The following MAGI1 variants were observed in gnomAD, a reference collection of about 807,000 sequenced individuals.
MAGI1 encodes the protein membrane associated guanylate kinase, WW and PDZ domain containing 1.
Under a neutral mutation model 139.9 loss-of-function variants are expected in MAGI1, and 58 were observed. The observed-to-expected ratio is 0.41, with a 90% confidence interval of 0.34 to 0.52. The LOEUF is 0.52. Among genes scored for constraint, MAGI1 ranks in the 20% least tolerant of loss-of-function variants. MAGI1 has a pLI of 0.12. For missense variants in MAGI1, 1,874 were observed against 1,901.6 expected (o/e 0.99, Z 0.27); for synonymous variants, 812 against 737.9 (o/e 1.10, Z -1.63).
At chr3:65,665,681 A>G (rs1347271445) in intron 1 of MAGI1, among the ~76,000 whole-genome samples, 3 of 152,154 alleles carry the variant, frequency 2.0e-5, no homozygotes, top group African/African-American at 7.2e-5. Flanking sequence ...CTTATACAAC[A>G]TAACTACACA....
chr3:65,634,014 T>C (rs541848606), intron 1 of MAGI1, among the ~76,000 whole-genome samples: 1 of 152,318 alleles, frequency 6.6e-6, no homozygotes, highest in South Asian at 2.1e-4. Flanking sequence ...TGAACACTGA[T>C]TAAGTACTTT....
chr3:65,645,072 T>C lies in MAGI1; in HGVS notation c.314-22984A>G, dbSNP rs373005116. Among the ~76,000 whole-genome samples, 20 of 151,630 alleles carry C rather than the reference T, an allele frequency of 1.3e-4. No homozygotes were observed. In the East Asian group the frequency reaches 3.7e-3, roughly 28 times the overall value. On this transcript the variant is annotated intron_variant, in intron 1 of 22. Coordinates refer to ENST00000402939, the MANE Select transcript of MAGI1 (RefSeq NM_001033057.2). ...AAAAGAAACAGAGCCTCAGGGATCT[T>C]TGGGACTCTAACAACAGACCTAAAA...
intron 2 of MAGI1, among the ~76,000 whole-genome samples, chr3:65,582,195 C>A (rs2081462239): frequency 6.6e-6 from 1 of 152,204 alleles, no homozygotes; most frequent in South Asian, 2.1e-4. Flanking sequence ...TTTCCAGCTA[C>A]TGCATTCCCT....
At chr3:65,575,223 A>C (rs1419709893) in intron 2 of MAGI1, among the ~76,000 whole-genome samples, 1 of 152,128 alleles carries the variant, frequency 6.6e-6, no homozygotes, top group East Asian at 1.9e-4. Context: ...CTAAAAAGAG[A>C]GTAAAATATT....
intron 1 of MAGI1, among the ~76,000 whole-genome samples, chr3:65,881,845 C>T (rs943931100): frequency 4.6e-5 from 7 of 152,082 alleles, no homozygotes; most frequent in Non-Finnish European, 1.0e-4. Flanking sequence ...TTCCTTTCTT[C>T]ATCTAAGTAG....
intron 2 of MAGI1, among the ~76,000 whole-genome samples, chr3:65,514,238 A>C (rs2077743762): frequency 6.7e-6 from 1 of 149,746 alleles, no homozygotes; most frequent in African/African-American, 2.5e-5. Context: ...CATTCAGGAC[A>C]TAGGCATGGG....
At chr3:65,430,609 G>T in intron 11 of MAGI1, 90 bp downstream of exon 11, 1 of 1,416,150 alleles carries the variant, frequency 7.1e-7, no homozygotes, top group Non-Finnish European at 9.6e-7. Flanking sequence ...GCTTGGTCTT[G>T]CTCAAACAAA....
chr3:65,744,941 A>G (rs1398102417), intron 1 of MAGI1, among the ~76,000 whole-genome samples: 1 of 152,030 alleles, frequency 6.6e-6, no homozygotes, highest in Non-Finnish European at 1.5e-5. Context: ...TTTAACTATA[A>G]GGCAATAAAT....
chr3:65,622,316 A>G (rs2083724830), intron 1 of MAGI1, among the ~76,000 whole-genome samples: 1 of 152,228 alleles, frequency 6.6e-6, no homozygotes, highest in Non-Finnish European at 1.5e-5. Flanking sequence ...CCTATCTCAC[A>G]TAATACTAGA....
chr3:65,661,233 G>C (rs987062967), intron 1 of MAGI1, among the ~76,000 whole-genome samples: 5 of 152,136 alleles, frequency 3.3e-5, no homozygotes, highest in African/African-American at 1.2e-4. Flanking sequence ...TCTAGAACTA[G>C]TGGGGAGAAA....
intron 1 of MAGI1, among the ~76,000 whole-genome samples, chr3:65,993,289 T>C (rs2066274839): frequency 6.6e-6 from 1 of 152,186 alleles, no homozygotes; most frequent in African/African-American, 2.4e-5. Context: ...CTGATACCAG[T>C]TTCCCCACTG....
intron 1 of MAGI1, among the ~76,000 whole-genome samples, chr3:65,706,199 A>G (rs2030250965): frequency 6.6e-6 from 1 of 152,242 alleles, no homozygotes; most frequent in Admixed American, 6.5e-5. Flanking sequence ...TTTGCTTTGC[A>G]AATGGGATTT....
intron 1 of MAGI1, among the ~76,000 whole-genome samples, chr3:66,002,436 G>T (rs1228666909): frequency 6.6e-6 from 1 of 152,072 alleles, no homozygotes; most frequent in African/African-American, 2.4e-5. Flanking sequence ...GGGGTGGGGG[G>T]TGGTGGTGAA....
chr3:65,532,211 T>G (rs1375662604), intron 2 of MAGI1, among the ~76,000 whole-genome samples: 2 of 152,210 alleles, frequency 1.3e-5, no homozygotes, highest in African/African-American at 2.4e-5. Flanking sequence ...TGGGAGCAAT[T>G]TTTTTGAAAA....
chr3:65,781,405 C>A (rs1462154708), intron 1 of MAGI1, among the ~76,000 whole-genome samples: 3 of 152,090 alleles, frequency 2.0e-5, no homozygotes, highest in Admixed American at 6.5e-5. Context: ...AAATGCCTAT[C>A]TACCTTGATC....
chr3:65,662,253 A>G (rs555128572), intron 1 of MAGI1, among the ~76,000 whole-genome samples: 10 of 152,224 alleles, frequency 6.6e-5, no homozygotes, highest in Non-Finnish European at 2.9e-5. Context: ...TCCATGCAGA[A>G]GCCAAATTGT....
chr3:65,364,657 G>C lies in MAGI1; in HGVS notation c.3351+8C>G, dbSNP rs1338220819. 1 of 1,613,020 alleles carries C rather than the reference G, an allele frequency of 6.2e-7. No individual in the cohort carries two copies. ...AAAGTATAGAGAAAAAAGAGACATGGTGCTCACCTGTGTTGCTTGGGGTGC... is the reference window on the plus strand; with the variant it reads ...AAAGTATAGAGAAAAAAGAGACATGCTGCTCACCTGTGTTGCTTGGGGTGC... On this transcript the variant is annotated splice_region_variant and intron_variant, in intron 20 of 22. Transcript: ENST00000402939.
At chr3:66,006,841 G>GTTTTA (rs149234512) in intron 1 of MAGI1, among the ~76,000 whole-genome samples, 5 of 148,306 alleles carry the variant, frequency 3.4e-5, no homozygotes, top group Non-Finnish European at 5.9e-5. Context: ...GTTTTGTTTT[G>GTTTTA]TTTATTAGAG....
chr3:65,925,287 G>T (rs1190659109), intron 1 of MAGI1: 1 of 152,102 alleles, frequency 6.6e-6, no homozygotes, highest in Non-Finnish European at 1.5e-5. Flanking sequence ...GTAATAAAAG[G>T]CCTCAGTGCA....
Sources: gnomAD v4.1 joint callset for allele counts (sites outside exome capture counted in the v4.1 genomes callset) on GRCh38, gnomAD v4.1.1 for gene constraint, MANE v1.5 for transcripts, NCBI Gene and HGNC (gene_info 2026-07-23, HGNC 2026-07-21) for gene names.